AUTS2: variants seen among roughly 807,000 people sequenced by gnomAD.
The protein encoded by AUTS2 is activator of transcription and developmental regulator AUTS2.
AUTS2 carries 17 observed loss-of-function variants against 112.4 expected under a neutral mutation model. The ratio of observed to expected loss-of-function variants is 0.15; its 90% CI spans 0.10 to 0.23. AUTS2 has a LOEUF of 0.23. Ranked by LOEUF, AUTS2 falls within the 10% of genes least tolerant of loss-of-function variation. The pLI is 1.00. For synonymous variants in AUTS2, 751 were observed against 702.7 expected (o/e 1.07, Z -1.09); for missense variants, 1,510 against 1,701.6 (o/e 0.89, Z 1.98).
chr7:70,224,016 A>G (rs1811621709), intron 4 of AUTS2, among the ~76,000 whole-genome samples: 2 of 152,090 alleles, frequency 1.3e-5, no homozygotes, highest in Non-Finnish European at 2.9e-5. Context: ...GTTTTTAACA[A>G]AAACATTTAT....
chr7:70,444,373 T>TGTGTGTGTGTGTGTGTGTGAGAGAGAGA (rs372696006), intron 5 of AUTS2, among the ~76,000 whole-genome samples: 7 of 142,442 alleles, frequency 4.9e-5, no homozygotes, highest in African/African-American at 1.1e-4. Flanking sequence ...TGTGTGTGTG[T>TGTGTGTGTGTGTGTGTGTGAGAGAGAGA]GAGAGAGAGA....
chr7:69,926,626 T>C (rs1340486474), intron 2 of AUTS2, among the ~76,000 whole-genome samples: 2 of 151,822 alleles, frequency 1.3e-5, no homozygotes, highest in Admixed American at 6.6e-5. Flanking sequence ...AGTCGCATTT[T>C]TTTTCCTTAC....
chr7:69,812,603 C>A (rs998375006), intron 1 of AUTS2, among the ~76,000 whole-genome samples: 1 of 152,140 alleles, frequency 6.6e-6, no homozygotes, highest in African/African-American at 2.4e-5. Context: ...GCCCTTGGTG[C>A]GTCCGTTGCC....
At position 70,791,437 on chromosome 7, in the gene AUTS2, T is replaced by TAAGA. The variant is rs1791955315; in HGVS notation, c.*442_*445dup. On this transcript the variant is annotated 3_prime_UTR_variant, in exon 19 of 19. Coordinates refer to ENST00000342771, the MANE Select transcript of AUTS2 (RefSeq NM_015570.4). ...CTAATGGTTCATATATGCAAAAGGG[T>TAAGA]AAGATGAAAGCTTTACTTTGTACAA... The TAAGA allele has an allele frequency of 6.3e-6, 1 of 157,516 alleles. No individual in the cohort carries two copies. Among genetic ancestry groups the TAAGA allele is most frequent in the Non-Finnish European group, 1.4e-5 (1 of 71,670 alleles). The allele number at this position is 157,516 out of a possible 1,614,324, so 9.8% of individuals were successfully genotyped here. A position where few individuals can be genotyped will look rare whatever the true frequency, so the allele number is the denominator to read the frequency against.
At chr7:69,789,220 A>G (rs1219863897) in intron 1 of AUTS2, among the ~76,000 whole-genome samples, 1 of 152,156 alleles carries the variant, frequency 6.6e-6, no homozygotes, top group African/African-American at 2.4e-5. Context: ...CCATTCAGCA[A>G]TGGCTCTCAA....
intron 1 of AUTS2, among the ~76,000 whole-genome samples, chr7:69,793,004 G>A (rs1459465867): frequency 6.6e-6 from 1 of 152,154 alleles, no homozygotes; most frequent in Admixed American, 6.5e-5. Context: ...TGAACTTGCT[G>A]TTCAGTCCCT....
chr7:70,123,564 T>C (rs1375074123), intron 3 of AUTS2, among the ~76,000 whole-genome samples: 2 of 152,214 alleles, frequency 1.3e-5, no homozygotes, highest in East Asian at 3.9e-4. Context: ...TAAGTTCTTA[T>C]TATTTAGCTC....
chr7:70,497,312 C>A (rs1028527024), intron 5 of AUTS2, among the ~76,000 whole-genome samples: 4 of 150,114 alleles, frequency 2.7e-5, no homozygotes, highest in African/African-American at 1.0e-4. Flanking sequence ...GCGTCGATCA[C>A]ACACCCCACT....
chr7:70,502,985 C>T (rs1798825113), intron 5 of AUTS2, among the ~76,000 whole-genome samples: 1 of 152,008 alleles, frequency 6.6e-6, no homozygotes, highest in Non-Finnish European at 1.5e-5. Context: ...CCATTAAATA[C>T]CAGTATCTAT....
chr7:69,809,119 G>C (rs1490099982), intron 1 of AUTS2, among the ~76,000 whole-genome samples: 1 of 151,924 alleles, frequency 6.6e-6, no homozygotes, highest in Non-Finnish European at 1.5e-5. Context: ...CCGTTGCCCA[G>C]GCTGGAGTAC....
intron 2 of AUTS2, among the ~76,000 whole-genome samples, chr7:70,021,855 G>C (rs1379224712): frequency 2.6e-5 from 4 of 152,028 alleles, no homozygotes; most frequent in Non-Finnish European, 5.9e-5. Flanking sequence ...AAATACACAG[G>C]TTTATCTCTC....
intron 1 of AUTS2, among the ~76,000 whole-genome samples, chr7:69,802,006 A>G (rs1232578685): frequency 6.6e-6 from 1 of 152,174 alleles, no homozygotes; most frequent in Admixed American, 6.5e-5. Context: ...GAAGTAAGCC[A>G]GGTGGGTATT....
chr7:70,783,017 A>G (rs745430840), intron 15 of AUTS2: 1 of 152,232 alleles, frequency 6.6e-6, no homozygotes, highest in Non-Finnish European at 1.5e-5. Context: ...ATGAAGAGCA[A>G]TTTTTGGAAA....
rs761208105 is a variant in AUTS2, at chr7:70,764,835, T to G, written c.1298T>G (p.Leu433Arg). 4.3e-5 allele frequency: 11 copies of G among 257,592 alleles called. No individual in the cohort carries two copies. Among genetic ancestry groups the G allele is most frequent in the Non-Finnish European group, 5.1e-5 (9 of 175,020 alleles). 16.0% of individuals were successfully genotyped at this position (257,592 alleles called of 1,614,324 possible). Reference sequence around the variant, plus strand: ...CACCCCTCTGCCTCCCCGTTCCCCCTCTCCCTGCCCAACCACAGCCCCCTG... The same window carrying G: ...CACCCCTCTGCCTCCCCGTTCCCCCGCTCCCTGCCCAACCACAGCCCCCTG... ...SHHPSASPFP[L>R]SLPNHSPLHS... is the part of the protein sequence containing the mutation. Residue 433 changes from leucine to arginine, a missense_variant, in exon 8 of 19, where the codon CTC (leucine) becomes CGC (arginine). Transcript: ENST00000342771.
chr7:70,790,455 G>C lies in AUTS2; in HGVS notation c.3239G>C (p.Arg1080Pro). ...PIRDPLRDPYRELDIHRRDPL... is the reference protein window; with the variant it reads ...PIRDPLRDPYPELDIHRRDPL... ...CGGGACCCCTTGAGGGATCCTTACC[G>C]AGAACTTGACATTCACCGGAGAGAC... The change falls in exon 19 of 19, where the codon CGA becomes CCA. Residue 1080 changes from arginine (R) to proline (P), a missense_variant. Coordinates refer to ENST00000342771, the MANE Select transcript of AUTS2 (RefSeq NM_015570.4). This position sits in a 1 kb window ranked among gnomAD's most constrained non-coding sequence, Gnocchi z 7.6. 2.5e-6 allele frequency: 4 copies of C among 1,612,318 alleles called. No homozygotes were observed. Among genetic ancestry groups the C allele is most frequent in the Non-Finnish European group, 3.4e-6 (4 of 1,179,106 alleles).
At chr7:70,591,706 C>T (rs886365177) in intron 5 of AUTS2, among the ~76,000 whole-genome samples, 38 of 152,160 alleles carry the variant, frequency 2.5e-4, no homozygotes, top group African/African-American at 8.9e-4. Context: ...CCCCGACTCT[C>T]TTCTTAATAT....
intron 6 of AUTS2, among the ~76,000 whole-genome samples, chr7:70,744,314 GCTC>G (rs1315124602): frequency 6.6e-6 from 1 of 152,130 alleles, no homozygotes; most frequent in Admixed American, 6.5e-5. Context: ...AGGTAGATGC[GCTC>G]CTCTTTTCAG....
intron 1 of AUTS2, among the ~76,000 whole-genome samples, chr7:69,605,573 A>G (rs1792674662): frequency 6.6e-6 from 1 of 152,160 alleles, no homozygotes; most frequent in Non-Finnish European, 1.5e-5. Context: ...CTGTAAAAAA[A>G]GGTTGGTTGG....
intron 5 of AUTS2, among the ~76,000 whole-genome samples, chr7:70,624,836 C>T (rs996022942): frequency 6.6e-6 from 1 of 152,078 alleles, no homozygotes; most frequent in Admixed American, 6.5e-5. Context: ...GAATAATTAT[C>T]ATCATTATCA....
Sources: gnomAD v4.1 joint callset for allele counts (sites outside exome capture counted in the v4.1 genomes callset) on GRCh38, gnomAD v4.1.1 for gene constraint, Gnocchi (gnomAD v3.1) non-coding constraint, MANE v1.5 for transcripts, NCBI Gene and HGNC (gene_info 2026-07-23, HGNC 2026-07-21) for gene names.